Variants in CATSPERG observed in about 807,000 individuals in gnomAD.
The protein encoded by CATSPERG is cation channel sperm-associated auxiliary subunit gamma.
A neutral mutation model predicts 145.0 loss-of-function variants in CATSPERG; 115 were observed. That is an observed-to-expected ratio of 0.79 (90% confidence interval 0.68 to 0.93). The LOEUF (loss-of-function observed/expected upper bound fraction) is 0.93, where lower values mean the gene tolerates loss of function less well. Ranked by LOEUF, CATSPERG falls within the 40% of genes least tolerant of loss-of-function variation. The pLI is 0.00. For missense variants in CATSPERG, 1,296 were observed against 1,490.1 expected (o/e 0.87, Z 2.14); for synonymous variants, 588 against 589.0 (o/e 1.00, Z 0.02).
At chr19:38,360,377 T>A in intron 14 of CATSPERG, 112 bp from the exon 15 acceptor site, 1 of 1,455,586 alleles carries the variant, frequency 6.9e-7, no homozygotes, top group Non-Finnish European at 9.0e-7. Flanking sequence ...TGGAGGTGAG[T>A]TTCCAAACTT....
intron 8 of CATSPERG, among the ~76,000 whole-genome samples, chr19:38,352,792 G>A (rs997888844): frequency 6.6e-6 from 1 of 151,324 alleles, no homozygotes; most frequent in African/African-American, 2.4e-5. Flanking sequence ...AGAGGGAGAG[G>A]GGCATGGCAA....
rs761469196 is a variant in CATSPERG at position 38,356,724 on chromosome 19, T to G, written c.1196-18T>G. Reference sequence around the variant, plus strand: ...ATTGAGCCCTGGGGCGGCTCTGGACTGCCCCTTTCCCTCTCAGTTACCACC... The same window carrying G: ...ATTGAGCCCTGGGGCGGCTCTGGACGGCCCCTTTCCCTCTCAGTTACCACC... On this transcript the variant is annotated intron_variant, in intron 10 of 28. Transcript: ENST00000409235. The G allele has an allele frequency of 4.3e-6, 7 of 1,613,642 alleles. No homozygotes were observed. The South Asian group carries it at 6.6e-5, about 15-fold the overall frequency.
At position 38,363,062 on chromosome 19, in the gene CATSPERG, G is replaced by A. The variant is rs150573239; in HGVS notation, c.2475+230G>A. Among the ~76,000 whole-genome samples the A allele has an allele frequency of 4.4e-3, 669 of 151,712 alleles. 6 individuals are homozygous for A. The highest frequency in any genetic ancestry group is 0.015 in the African/African-American group (629 of 41,354). On this transcript the variant is annotated intron_variant, in intron 20 of 28. Transcript: ENST00000409235. ...GAACTTTTTGTTTTTCTTTTGAGAC[G>A]GAGTCTTGCTCAGTCGCCCAGGCTG...
chr19:38,353,512 C>T (rs191181398), intron 8 of CATSPERG, among the ~76,000 whole-genome samples: 2 of 151,690 alleles, frequency 1.3e-5, no homozygotes, highest in African/African-American at 4.8e-5. Context: ...CATGGTGAAA[C>T]CCCGTCTCTA....
intron 4 of CATSPERG, 32 bp downstream of exon 4, chr19:38,343,756 C>G (rs781178566): frequency 6.5e-7 from 1 of 1,540,904 alleles, no homozygotes; most frequent in South Asian, 1.2e-5. Flanking sequence ...GGGATCGCAA[C>G]CTGGCAGGGG....
At chr19:38,370,413 T>C in intron 28 of CATSPERG, 113 bp from the exon 29 acceptor site, 1 of 1,480,448 alleles carries the variant, frequency 6.8e-7, no homozygotes, top group Non-Finnish European at 9.4e-7. Context: ...ACTCATTCAT[T>C]TCCTCCTGCT....
chr19:38,367,856 G>T, intron 25 of CATSPERG, 80 bp downstream of exon 25: 4 of 1,370,190 alleles, frequency 2.9e-6, no homozygotes, highest in Non-Finnish European at 4.1e-6. Flanking sequence ...AGCCCACCTC[G>T]CAAGCCCCCA....
Position 38,359,484 on chromosome 19 carries a change from A to C in CATSPERG, c.1511A>C (p.Asn504Thr), listed in dbSNP as rs770022776. The change falls in exon 14 of 29, where the codon AAC (asparagine) becomes ACC (threonine). Residue 504 changes from asparagine to threonine, a missense_variant. Transcript: ENST00000409235. ...TGTCCCTGCAGCTCTAACAAGGAAA[A>C]CTTCATCTACCTGGCAGACTTCCCC... ...NFLLQSSNKE[N>T]FIYLADFPKE... 6.2e-7 allele frequency: 1 copy of C among 1,613,182 alleles called. No individual in the cohort carries two copies. The highest frequency in any genetic ancestry group is 1.1e-5 in the South Asian group (1 of 91,064).
At chr19:38,359,438 A>C in intron 13 of CATSPERG, 32 bp from the exon 14 acceptor site, 2 of 1,459,440 alleles carry the variant, frequency 1.4e-6, no homozygotes, top group Non-Finnish European at 1.9e-6. Context: ...GCTGTCCAGC[A>C]TGCGCCTAGC....
At chr19:38,347,140 C>A (rs1970053691) in intron 7 of CATSPERG, among the ~76,000 whole-genome samples, 1 of 152,096 alleles carries the variant, frequency 6.6e-6, no homozygotes, top group South Asian at 2.1e-4. Flanking sequence ...GAGCCTGGGA[C>A]TTTGAGGCTG....
chr19:38,363,617 C>T (rs989546335), intron 20 of CATSPERG, among the ~76,000 whole-genome samples: 2 of 151,500 alleles, frequency 1.3e-5, no homozygotes, highest in Admixed American at 6.6e-5. Context: ...TGGGGCCTTC[C>T]GCAGTGTTTG....
intron 7 of CATSPERG, among the ~76,000 whole-genome samples, chr19:38,348,464 GTTTTTTTTTTTTGT>G (rs1440704331): frequency 4.8e-5 from 6 of 124,072 alleles, no homozygotes; most frequent in African/African-American, 1.2e-4. Flanking sequence ...CACAAACTTC[GTTTTTTTTTTTTGT>G]TTTTTTTTTT....
At chr19:38,361,904 G>C (rs1440695335) in intron 17 of CATSPERG, 43 bp downstream of exon 17, 1 of 1,541,534 alleles carries the variant, frequency 6.5e-7, no homozygotes, top group Non-Finnish European at 8.8e-7. Context: ...GACGGGACTG[G>C]GGCAGCCGGG....
chr19:38,354,891 C>A (rs1339087973), intron 9 of CATSPERG, 44 bp downstream of exon 9: 1 of 1,586,390 alleles, frequency 6.3e-7, no homozygotes, highest in Admixed American at 1.8e-5. Context: ...CCCTCCATAC[C>A]CTCTCTCACC....
intron 3 of CATSPERG, among the ~76,000 whole-genome samples, chr19:38,339,123 G>T (rs1428737207): frequency 5.9e-5 from 9 of 152,212 alleles, no homozygotes; most frequent in African/African-American, 1.9e-4. Flanking sequence ...AACAGGTGGT[G>T]AGAATGTGGA....
rs760427901 is a variant in CATSPERG, at chr19:38,344,044, C to A, written c.521C>A (p.Pro174His). 79 of 1,551,304 alleles carry A rather than the reference C, an allele frequency of 5.1e-5. No homozygotes were observed. The South Asian group carries it at 8.9e-4, about 18-fold the overall frequency. ...VCSMSWYTPM[P>H]IKKGSVVMRV... The stretch of plus-strand genomic sequence containing the variant: ...AGCATGAGCTGGTACACGCCCATGC[C>A]CATCAAGAAAGGCAGTGTGGTCATG... Residue 174 changes from proline (P) to histidine (H), a missense_variant, in exon 5 of 29, where the codon CCC (proline) becomes CAC (histidine). By Grantham distance (77) the Pro-to-His change is moderately conservative. Coordinates refer to ENST00000409235, the MANE Select transcript of CATSPERG (RefSeq NM_021185.5).
At chr19:38,344,272 C>T (rs1488477421) in intron 5 of CATSPERG, 24 bp from the exon 6 acceptor site, 14 of 1,549,392 alleles carry the variant, frequency 9.0e-6, no homozygotes, top group African/African-American at 5.5e-5. Context: ...ACCTCACCTG[C>T]GCCTATTCTG....
Position 38,343,641 on chromosome 19 carries a change from C to G in CATSPERG, c.386C>G (p.Thr129Ser). ...LTGLKPLVLV[T>S]FQSPVNFYRW... ...GGGCTAAAGCCCCTGGTGCTGGTCA[C>G]CTTCCAGTCCCCAGTCAACTTCTAC... Residue 129 changes from threonine (T) to serine (S), a missense_variant, in exon 4 of 29, where the codon ACC (threonine) becomes AGC (serine). Physicochemically the swap from Thr to Ser is moderately conservative, Grantham distance 58 (BLOSUM62 1). Coordinates refer to ENST00000409235, the MANE Select transcript of CATSPERG (RefSeq NM_021185.5). The G allele has an allele frequency of 6.4e-7, 1 of 1,551,576 alleles. No homozygotes were observed. Among genetic ancestry groups the G allele is most frequent in the Non-Finnish European group, 8.7e-7 (1 of 1,146,946 alleles).
chr19:38,353,136 C>T (rs1348420028), intron 8 of CATSPERG, among the ~76,000 whole-genome samples: 1 of 150,364 alleles, frequency 6.7e-6, no homozygotes, highest in Non-Finnish European at 1.5e-5. Flanking sequence ...GAGTTCAAGG[C>T]CAGCCTGACC....
Sources: gnomAD v4.1 joint callset for allele counts (sites outside exome capture counted in the v4.1 genomes callset) on GRCh38, gnomAD v4.1.1 for gene constraint, MANE v1.5 for transcripts, NCBI Gene and HGNC (gene_info 2026-07-23, HGNC 2026-07-21) for gene names.